Variants in SPATA16 observed in about 807,000 individuals in gnomAD.
The protein encoded by SPATA16 is spermatogenesis-associated protein 16.
In SPATA16, 36 loss-of-function variants were observed where a neutral mutation model predicts 63.3. That is an observed-to-expected ratio of 0.57 (90% CI 0.44 to 0.75). SPATA16 has a LOEUF of 0.75. Among genes scored for constraint, SPATA16 ranks in the 30% least tolerant of loss-of-function variants. SPATA16 has a pLI of 0.00. For missense variants in SPATA16, 646 were observed against 679.3 expected, an observed-to-expected ratio of 0.95 and a Z score of 0.54; for synonymous variants, 203 against 216.7, an observed-to-expected ratio of 0.94 and a Z score of 0.56.
intron 1 of SPATA16, among the ~76,000 whole-genome samples, chr3:173,138,290 T>C (rs1738606907): frequency 6.6e-6 from 1 of 152,216 alleles, no homozygotes; most frequent in Non-Finnish European, 1.5e-5. Context: ...AGGAAAGTTA[T>C]TCTGGCAGAG....
intron 6 of SPATA16, among the ~76,000 whole-genome samples, chr3:172,944,109 A>G (rs1733225084): frequency 6.6e-6 from 1 of 152,252 alleles, no homozygotes; most frequent in Non-Finnish European, 1.5e-5. Flanking sequence ...CAAATCATAC[A>G]TCTGACAAAG....
intron 2 of SPATA16, among the ~76,000 whole-genome samples, chr3:173,086,715 C>G (rs983120193): frequency 3.3e-5 from 5 of 152,016 alleles, no homozygotes; most frequent in African/African-American, 1.2e-4. Context: ...TAGCTGTGTC[C>G]CAGAGATTCT....
At chr3:173,016,203 T>A (rs1735183120) in intron 4 of SPATA16, among the ~76,000 whole-genome samples, 1 of 152,242 alleles carries the variant, frequency 6.6e-6, no homozygotes. Flanking sequence ...CTATAATTTA[T>A]GTATTCTTAC....
At chr3:172,910,172 C>A (rs1442601796) in intron 10 of SPATA16, among the ~76,000 whole-genome samples, 3 of 149,524 alleles carry the variant, frequency 2.0e-5, no homozygotes, top group Admixed American at 6.7e-5. Context: ...TGGCTCACTG[C>A]AACCTCTGCC....
chr3:172,986,979 A>G (rs1022722790), intron 4 of SPATA16, among the ~76,000 whole-genome samples: 7 of 152,214 alleles, frequency 4.6e-5, no homozygotes, highest in African/African-American at 1.7e-4. Context: ...GAAGACATTT[A>G]TGACCTTAAA....
intron 10 of SPATA16, 58 bp downstream of exon 10, chr3:172,913,603 C>A: frequency 6.5e-7 from 1 of 1,548,560 alleles, no homozygotes; most frequent in South Asian, 1.1e-5. Flanking sequence ...AGATTTGACC[C>A]AAAATGGACA....
At chr3:173,048,393 G>A (rs791827) in intron 3 of SPATA16, among the ~76,000 whole-genome samples, 26,278 of 151,884 alleles carry the variant, frequency 0.17, 2,424 homozygotes, top group African/African-American at 0.22. Context: ...TAACACTGGG[G>A]ATTCTAGGAA....
chr3:172,927,996 G>A (rs148295796), intron 6 of SPATA16, among the ~76,000 whole-genome samples: 11,450 of 151,682 alleles, frequency 0.075, 618 homozygotes, highest in Non-Finnish European at 0.12. Flanking sequence ...TGCAAACTCC[G>A]CCTCCTGGGT....
intron 2 of SPATA16, among the ~76,000 whole-genome samples, chr3:173,106,293 A>G (rs752758633): frequency 2.0e-5 from 3 of 151,882 alleles, no homozygotes; most frequent in Non-Finnish European, 4.4e-5. Flanking sequence ...GGAACACCCA[A>G]TTCCTTCCTA....
intron 2 of SPATA16, among the ~76,000 whole-genome samples, chr3:173,088,679 G>A (rs11917415): frequency 0.28 from 42,703 of 152,036 alleles, 7,741 homozygotes; most frequent in African/African-American, 0.52. Flanking sequence ...AACTTACCTT[G>A]TGAAAAATGA....
chr3:172,995,860 C>T (rs1400089124), intron 4 of SPATA16, among the ~76,000 whole-genome samples: 1 of 152,070 alleles, frequency 6.6e-6, no homozygotes, highest in African/African-American at 2.4e-5. Flanking sequence ...CTAACTTCAA[C>T]AACTTACATA....
At chr3:172,978,159 C>CTT (rs569557957) in intron 4 of SPATA16, among the ~76,000 whole-genome samples, 1 of 148,282 alleles carries the variant, frequency 6.7e-6, no homozygotes, top group African/African-American at 2.5e-5. Flanking sequence ...CTCTCTCTCT[C>CTT]TCTATATATA....
At chr3:173,015,975 A>T (rs1490968369) in intron 4 of SPATA16, among the ~76,000 whole-genome samples, 1 of 152,176 alleles carries the variant, frequency 6.6e-6, no homozygotes, top group East Asian at 1.9e-4. Context: ...GTATGCATTG[A>T]AACAGAAAGA....
intron 4 of SPATA16, among the ~76,000 whole-genome samples, chr3:172,997,203 C>T (rs1734713441): frequency 6.6e-6 from 1 of 152,138 alleles, no homozygotes; most frequent in Non-Finnish European, 1.5e-5. Flanking sequence ...TTATAAGAAA[C>T]TGTCAAACTG....
At chr3:172,916,203 G>C (rs1315978295) in intron 9 of SPATA16, 114 bp downstream of exon 9, 1 of 1,279,048 alleles carries the variant, frequency 7.8e-7, no homozygotes, top group African/African-American at 1.5e-5. Context: ...TTGGGAGTTT[G>C]CCCTCAGGCT....
chr3:172,938,265 G>A (rs192348321), intron 6 of SPATA16, among the ~76,000 whole-genome samples: 12 of 152,286 alleles, frequency 7.9e-5, no homozygotes, highest in Non-Finnish European at 1.5e-4. Flanking sequence ...AGGGAGAGGC[G>A]AAGGACTTGT....
intron 6 of SPATA16, among the ~76,000 whole-genome samples, chr3:172,939,220 C>T (rs1416496174): frequency 1.3e-5 from 2 of 152,116 alleles, no homozygotes; most frequent in East Asian, 1.9e-4. Context: ...GGAACTTACG[C>T]GTTAGCTGCC....
chr3:173,041,317 T>A (rs1735833461), intron 3 of SPATA16, among the ~76,000 whole-genome samples: 1 of 152,160 alleles, frequency 6.6e-6, no homozygotes, highest in South Asian at 2.1e-4. Context: ...TTTGCTTATT[T>A]AATTGGAAGA....
At chr3:173,133,028 A>T (rs1030647353) in intron 1 of SPATA16, among the ~76,000 whole-genome samples, 1 of 152,212 alleles carries the variant, frequency 6.6e-6, no homozygotes, top group Non-Finnish European at 1.5e-5. Flanking sequence ...TAAAACCATG[A>T]AGAAAGATAC....
Sources: allele counts gnomAD v4.1 joint callset (sites outside exome capture counted in the v4.1 genomes callset), GRCh38; gene constraint gnomAD v4.1.1; transcripts MANE v1.5; gene names NCBI Gene and HGNC (gene_info 2026-07-23, HGNC 2026-07-21).